Variants in ZNF730 observed in about 807,000 individuals in gnomAD.
ZNF730 encodes putative zinc finger protein 730.
In ZNF730, 12 loss-of-function variants were observed where a neutral mutation model predicts 12.6. The observed-to-expected ratio is 0.95, with a 90% CI of 0.61 to 1.54. The LOEUF is 1.54. Ranked by LOEUF, ZNF730 falls within the 40% of genes most tolerant of loss-of-function variation. The probability of loss-of-function intolerance (pLI) is 0.00; values close to 1 mark genes in which losing one functional copy is unlikely to be tolerated. For missense variants in ZNF730, 643 were observed against 583.5 expected, an observed-to-expected ratio of 1.10 and a Z score of -1.05; for synonymous variants, 194 against 195.8, an observed-to-expected ratio of 0.99 and a Z score of 0.08.
chr19:23,143,706 A>G (rs1001028770), intron 3 of ZNF730: 7 of 152,070 alleles, frequency 4.6e-5, no homozygotes, highest in Admixed American at 3.9e-4. Context: ...TGATGGTGTT[A>G]CTCTCACTTG....
intron 1 of ZNF730, among the ~76,000 whole-genome samples, chr19:23,120,955 T>C (rs1416493648): frequency 1.3e-5 from 2 of 152,234 alleles, no homozygotes; most frequent in Non-Finnish European, 2.9e-5. Context: ...TCATTATTTA[T>C]TCAAAAGTCA....
intron 1 of ZNF730, chr19:23,128,068 A>G: frequency 1.3e-6 from 1 of 771,498 alleles, no homozygotes; most frequent in Non-Finnish European, 2.3e-6. Context: ...CAATGTGGAA[A>G]GCACTGATGG....
At chr19:23,106,564 G>C (rs1391036458) in intron 1 of ZNF730, among the ~76,000 whole-genome samples, 1 of 152,122 alleles carries the variant, frequency 6.6e-6, no homozygotes, top group African/African-American at 2.4e-5. Context: ...GGCCGAGGCA[G>C]GTGGATCACC....
At chr19:23,116,962 CG>C (rs1555714559), upstream of ZNF730, 1 of 410,876 alleles carries the variant, frequency 2.4e-6, no homozygotes. Flanking sequence ...GGACACTGGG[CG>C]GGGGGCCGTC....
intron 2 of ZNF730, among the ~76,000 whole-genome samples, chr19:23,135,541 C>T (rs1271745639): frequency 6.6e-6 from 1 of 151,862 alleles, no homozygotes; most frequent in Non-Finnish European, 1.5e-5. Flanking sequence ...GACAGAGTCT[C>T]ATTCTGTCAC....
intron 1 of ZNF730, among the ~76,000 whole-genome samples, chr19:23,120,543 GTTTA>G (rs1252464351): frequency 6.6e-6 from 1 of 151,354 alleles, no homozygotes; most frequent in African/African-American, 2.4e-5. Context: ...TTCTAATTGT[GTTTA>G]TTTGGTTCTT....
At chr19:23,099,906 C>T (rs554756922) in intron 1 of ZNF730, 1 of 152,212 alleles carries the variant, frequency 6.6e-6, no homozygotes, top group African/African-American at 2.4e-5. Context: ...TTGATATAGC[C>T]CACAGGAGGC....
In ZNF730 at chr19:23,145,600, TCA is replaced by T; in HGVS notation, c.560_561del (p.His187LeufsTer5). ...ATGTGGAAAATTATTTTGCATTCTTTCACACTTAGCTCAACATAAAAAAATTC... is the reference window on the plus strand; with the variant it reads ...ATGTGGAAAATTATTTTGCATTCTTTCACTTAGCTCAACATAAAAAAATTC... ...KECGKLFCIL[S>X]HLAQHKKIHT... On this transcript the variant is annotated frameshift_variant, in exon 4 of 4. Transcript: ENST00000597761. LOFTEE classifies it low-confidence loss of function (END_TRUNC). The T allele has an allele frequency of 3.2e-6, 5 of 1,545,992 alleles. No homozygotes were observed. Among genetic ancestry groups the T allele is most frequent in the Non-Finnish European group, 4.4e-6 (5 of 1,146,986 alleles).
intron 3 of ZNF730, among the ~76,000 whole-genome samples, chr19:23,139,144 T>C (rs1486054153): frequency 6.6e-6 from 1 of 152,190 alleles, no homozygotes; most frequent in Non-Finnish European, 1.5e-5. Context: ...TCACCCATGT[T>C]TGTCAGCCTA....
chr19:23,100,079 C>T (rs185438833), intron 1 of ZNF730: 39 of 152,258 alleles, frequency 2.6e-4, no homozygotes, highest in African/African-American at 9.1e-4. Flanking sequence ...GAGGCTAACA[C>T]CCAGATGATA....
At chr19:23,080,852 T>TG (rs1969952290) in intron 1 of ZNF730, among the ~76,000 whole-genome samples, 1 of 148,706 alleles carries the variant, frequency 6.7e-6, no homozygotes, top group South Asian at 2.1e-4. Flanking sequence ...CTTTTCTTTT[T>TG]TTTTTTTTTT....
chr19:23,115,694 A>C (rs1970510580), upstream of ZNF730, among the ~76,000 whole-genome samples: 1 of 28,456 alleles, frequency 3.5e-5, no homozygotes. Context: ...GCTCACCCCC[A>C]GAAGCAGAAG....
Position 23,146,252 on chromosome 19 carries a change from A to G in ZNF730, c.1208A>G (p.Lys403Arg). 6.2e-7 allele frequency: 1 copy of G among 1,613,670 alleles called. No individual in the cohort carries two copies. The highest frequency in any genetic ancestry group is 8.5e-7 in the Non-Finnish European group (1 of 1,179,778). The change falls in exon 4 of 4, where the codon AAA (lysine) becomes AGA (arginine). Residue 403 changes from lysine to arginine, a missense_variant. Lys to Arg is a conservative substitution (Grantham distance 26). Transcript: ENST00000597761. ...TTTTACAAATGTGAAGAATGTGGCA[A>G]AGCCTTTAGCCGTATCTCACACCTT... Reference protein sequence around the residue: ...EKFYKCEECGKAFSRISHLTT... With the variant: ...EKFYKCEECGRAFSRISHLTT...
Position 23,118,324 on chromosome 19 carries a change from CA to C in ZNF730, c.3+1149del, listed in dbSNP as rs548676112. Among the ~76,000 whole-genome samples, 141 of 151,182 alleles carry C rather than the reference CA, an allele frequency of 9.3e-4. 5 individuals are homozygous for C. In the South Asian group the frequency reaches 0.018, roughly 20 times the overall value. On this transcript the variant is annotated intron_variant, in intron 1 of 3. Coordinates refer to ENST00000597761, the MANE Select transcript of ZNF730 (RefSeq NM_001277403.2). ...CTTTTTCTTTTGTCTCCCCTAGGCA[CA>C]GAGATCTTGTGAAAGTGTTTTGGGG...
upstream of ZNF730, among the ~76,000 whole-genome samples, chr19:23,115,249 G>A (rs914702327): frequency 2.0e-5 from 3 of 152,128 alleles, no homozygotes; most frequent in African/African-American, 7.2e-5. Flanking sequence ...CTGAGCTTTG[G>A]AGTCAGAATT....
intron 3 of ZNF730, 147 bp downstream of exon 3, chr19:23,136,190 A>AT (rs564941743): frequency 3.7e-5 from 21 of 565,272 alleles, no homozygotes; most frequent in Middle Eastern, 5.0e-4. Context: ...CTTTTTATTT[A>AT]TTTTTTTTCC....
rs541136842 is a variant in ZNF730, at chr19:23,146,312, C to T, written c.1268C>T (p.Pro423Leu). 196 of 1,613,218 alleles carry T rather than the reference C, an allele frequency of 1.2e-4. No individual in the cohort carries two copies. Among genetic ancestry groups the T allele is most frequent in the Non-Finnish European group, 1.6e-4 (192 of 1,179,692 alleles). Residue 423 changes from proline (P) to leucine (L), a missense_variant, in exon 4 of 4, where the codon CCC becomes CTC. Coordinates refer to ENST00000597761, the MANE Select transcript of ZNF730 (RefSeq NM_001277403.2). ...THKRIHTGEK[P>L]YKCEECGRAF... is the part of the protein sequence containing the mutation. ...AAGAGAATTCATACTGGAGAGAAAC[C>T]CTACAAATGTGAAGAATGTGGCAGA...
At chr19:23,085,436 G>C (rs1046291030) in intron 1 of ZNF730, among the ~76,000 whole-genome samples, 2 of 137,866 alleles carry the variant, frequency 1.5e-5, no homozygotes, top group Non-Finnish European at 3.1e-5. Flanking sequence ...GACCTCAAAT[G>C]ATCCGCCCTC....
At chr19:23,128,282 C>G (rs1022522285) in intron 1 of ZNF730, 46 of 686,864 alleles carry the variant, frequency 6.7e-5, no homozygotes, top group Middle Eastern at 4.2e-4. Flanking sequence ...CAGAATGTTG[C>G]AGATTACATG....
Sources: allele counts gnomAD v4.1 joint callset (sites outside exome capture counted in the v4.1 genomes callset), GRCh38; gene constraint gnomAD v4.1.1; transcripts MANE v1.5; gene names NCBI Gene and HGNC (gene_info 2026-07-23, HGNC 2026-07-21).